GPR155: variants seen among roughly 807,000 people sequenced by gnomAD.
GPR155 encodes the protein G protein-coupled receptor 155.
GPR155 carries 65 observed loss-of-function variants against 93.1 expected under a neutral mutation model. That is an observed-to-expected ratio of 0.70 (90% CI 0.57 to 0.86). The LOEUF (loss-of-function observed/expected upper bound fraction) is 0.86, where lower values mean the gene tolerates loss of function less well. Among genes scored for constraint, GPR155 ranks in the 40% least tolerant of loss-of-function variants. The probability of loss-of-function intolerance (pLI) is 0.00; values close to 1 mark genes in which losing one functional copy is unlikely to be tolerated. For missense variants in GPR155, 838 were observed against 1,034.8 expected, an observed-to-expected ratio of 0.81 and a Z score of 2.61; for synonymous variants, 319 against 360.1, an observed-to-expected ratio of 0.89 and a Z score of 1.29.
intron 15 of GPR155, among the ~76,000 whole-genome samples, chr2:174,437,576 C>G (rs1559094368): frequency 7.6e-6 from 1 of 131,598 alleles, no homozygotes; most frequent in Non-Finnish European, 1.6e-5. Context: ...TGGCCTAACA[C>G]CTTTTTTTTT....
chr2:174,434,541 A>G lies in GPR155; in HGVS notation c.*1575T>C, dbSNP rs531892612. On this transcript the variant is annotated 3_prime_UTR_variant, in exon 16 of 16. Coordinates refer to ENST00000392552, the MANE Select transcript of GPR155 (RefSeq NM_152529.7). ...CTTATTCCTTTCCTTAATGGCATAG[A>G]TTAGTAATTTGGGTAGAAAAGAAAA... 6.6e-6 allele frequency: 1 copy of G among 152,042 alleles called. No homozygotes were observed. Among genetic ancestry groups the G allele is most frequent in the South Asian group, 2.1e-4 (1 of 4,824 alleles). The allele number at this position is 152,042 out of a possible 1,614,324, so 9.4% of individuals were successfully genotyped here.
At chr2:174,458,272 C>T (rs534578893) in intron 10 of GPR155, among the ~76,000 whole-genome samples, 1 of 152,322 alleles carries the variant, frequency 6.6e-6, no homozygotes, top group South Asian at 2.1e-4. Context: ...TGAATGCTCA[C>T]TGTGTCCTAG....
rs77790253 is a variant in GPR155 at position 174,454,748 on chromosome 2, A to G, written c.1772-907T>C. Among the ~76,000 whole-genome samples, 1,233 of 144,002 alleles carry G rather than the reference A, an allele frequency of 8.6e-3. 29 individuals are homozygous for G. The highest frequency in any genetic ancestry group is 0.031 in the African/African-American group (1,177 of 38,472). The allele number at this position is 144,002 out of a possible 152,430, so 94.5% of individuals were successfully genotyped here. ...AAAGGGAAGGGAAGGAAGGAAAAGG[A>G]AGGAAGGGAGAGGAAGGAAGGGAAA... On this transcript the variant is annotated intron_variant, in intron 10 of 15. Transcript: ENST00000392552.
chr2:174,459,872 T>A lies in GPR155; in HGVS notation c.1771+6A>T, dbSNP rs536044512. ...ATAAATAAAAATAAAATTAAAAAGA[T>A]CATACTTGTTTCTGGAATAGAGCTT... is the stretch of plus-strand genomic sequence containing the variant. On this transcript the variant is annotated splice_donor_region_variant and intron_variant, in intron 10 of 15. Coordinates refer to ENST00000392552, the MANE Select transcript of GPR155 (RefSeq NM_152529.7). The A allele has an allele frequency of 8.5e-5, 135 of 1,580,736 alleles. No individual in the cohort carries two copies. The South Asian group carries it at 1.3e-3, about 16-fold the overall frequency.
At chr2:174,470,284 C>G (rs2105723496) in intron 4 of GPR155, 106 bp downstream of exon 4, 2 of 923,846 alleles carry the variant, frequency 2.2e-6, no homozygotes, top group Non-Finnish European at 1.6e-6. Context: ...CCCCCGTCGT[C>G]TCTATTTTTT....
intron 1 of GPR155, among the ~76,000 whole-genome samples, chr2:174,485,267 T>A (rs1228758809): frequency 6.6e-6 from 1 of 152,064 alleles, no homozygotes; most frequent in Non-Finnish European, 1.5e-5. Context: ...AAGATTAACT[T>A]TCAATTCGTT....
At chr2:174,482,165 T>C (rs1178900011) in intron 1 of GPR155, among the ~76,000 whole-genome samples, 178 bp from the exon 2 acceptor site, 4 of 151,966 alleles carry the variant, frequency 2.6e-5, no homozygotes, top group African/African-American at 7.3e-5. Flanking sequence ...GAAAATACAA[T>C]GGAAAAAAAA....
chr2:174,446,483 C>T lies in GPR155; in HGVS notation c.2013+128G>A, dbSNP rs143993247. ...ACCTGCAATTATTTAGCTCAAGATC[C>T]AAATTCAGGTGACCTAGCTACCACA... is the stretch of plus-strand genomic sequence containing the variant. On this transcript the variant is annotated intron_variant, in intron 12 of 15. Transcript: ENST00000392552. 2.9e-3 allele frequency: 2,190 copies of T among 750,588 alleles called. 8 individuals carry two copies. The highest frequency in any genetic ancestry group is 4.3e-3 in the Non-Finnish European group (1,986 of 466,726). The allele number at this position is 750,588 out of a possible 1,614,324, so 46.5% of individuals were successfully genotyped here.
chr2:174,456,744 G>C (rs543045305), intron 10 of GPR155, among the ~76,000 whole-genome samples: 1 of 152,130 alleles, frequency 6.6e-6, no homozygotes, highest in South Asian at 2.1e-4. Context: ...AATAAAATTT[G>C]GTATATGCAT....
At position 174,459,954 on chromosome 2, in the gene GPR155, A is replaced by C; in HGVS notation, c.1695T>G (p.Pro565=). Residue 565 remains proline, a synonymous_variant, in exon 10 of 16, where the codon CCT becomes CCG. Coordinates refer to ENST00000392552, the MANE Select transcript of GPR155 (RefSeq NM_152529.7). Reference sequence around the variant, plus strand: ...GACTCTCCTCAAAAGCAGTATTTCCAGGCTCCACCACTTTGTGGCTCTGAG... The same window carrying C: ...GACTCTCCTCAAAAGCAGTATTTCCCGGCTCCACCACTTTGTGGCTCTGAG... ...DQSQSHKVVE[P]GNTAFEESPA... 1 of 1,614,102 alleles carries C rather than the reference A, an allele frequency of 6.2e-7. No individual in the cohort carries two copies.
chr2:174,469,679 A>G (rs1687937379), intron 4 of GPR155, among the ~76,000 whole-genome samples: 1 of 152,168 alleles, frequency 6.6e-6, no homozygotes, highest in African/African-American at 2.4e-5. Flanking sequence ...TTTTTTCTTC[A>G]AAATTTCAAA....
At chr2:174,441,363 TA>T (rs1337211121) in intron 14 of GPR155, among the ~76,000 whole-genome samples, 2 of 151,810 alleles carry the variant, frequency 1.3e-5, no homozygotes, top group Non-Finnish European at 2.9e-5. Flanking sequence ...AAGCCTAGGA[TA>T]GGGGCATCAC....
At chr2:174,444,643 C>T (rs1030429591) in intron 13 of GPR155, among the ~76,000 whole-genome samples, 2 of 151,886 alleles carry the variant, frequency 1.3e-5, no homozygotes, top group African/African-American at 4.8e-5. Context: ...TCGGCATGGA[C>T]TACCACGTCT....
intron 10 of GPR155, among the ~76,000 whole-genome samples, chr2:174,456,031 G>A (rs1478442251): frequency 6.6e-6 from 1 of 151,834 alleles, no homozygotes; most frequent in Non-Finnish European, 1.5e-5. Flanking sequence ...TAGTAGAGAC[G>A]GGGTTTCACC....
intron 14 of GPR155, among the ~76,000 whole-genome samples, chr2:174,440,905 G>T (rs1311822120): frequency 5.3e-5 from 8 of 152,134 alleles, no homozygotes; most frequent in Admixed American, 1.3e-4. Flanking sequence ...TCCGTAAGCT[G>T]TCAGTTTGAT....
At chr2:174,470,347 C>A in intron 4 of GPR155, 43 bp downstream of exon 4, 2 of 1,450,222 alleles carry the variant, frequency 1.4e-6, no homozygotes. Flanking sequence ...AAATTTTTTT[C>A]GACTAAACAC....
At chr2:174,460,154 ATTT>A (rs11385015) in intron 9 of GPR155, 66 bp from the exon 10 acceptor site, 16,399 of 386,836 alleles carry the variant, frequency 0.042, 1 homozygote, top group Middle Eastern at 0.074. Context: ...CTTAGGGCAC[ATTT>A]TTTTTTTTTT....
chr2:174,450,260 G>A (rs1480525820), intron 11 of GPR155, among the ~76,000 whole-genome samples: 1 of 152,116 alleles, frequency 6.6e-6, no homozygotes, highest in Non-Finnish European at 1.5e-5. Context: ...CTTATAAGTG[G>A]GAACTAAACA....
intron 5 of GPR155, among the ~76,000 whole-genome samples, chr2:174,467,090 G>A (rs573733709): frequency 3.6e-4 from 55 of 152,246 alleles, no homozygotes; most frequent in African/African-American, 1.3e-3. Context: ...CTGGGAGGTG[G>A]AGGTTGCAGT....
Sources: gnomAD v4.1 joint callset for allele counts (sites outside exome capture counted in the v4.1 genomes callset) on GRCh38, gnomAD v4.1.1 for gene constraint, MANE v1.5 for transcripts, NCBI Gene and HGNC (gene_info 2026-07-23, HGNC 2026-07-21) for gene names.